SOX5: variants seen among roughly 807,000 people sequenced by gnomAD.
SOX5 encodes transcription factor SOX-5.
SOX5 carries 9 observed loss-of-function variants against 92.0 expected under a neutral mutation model. That is an observed-to-expected ratio of 0.10 (90% CI 0.06 to 0.17). SOX5 has a LOEUF of 0.17. SOX5 is among the 10% of genes least tolerant of loss of function. SOX5 has a pLI of 1.00. For missense variants in SOX5, 642 were observed against 944.5 expected (o/e 0.68, Z 4.20); for synonymous variants, 344 against 336.3 (o/e 1.02, Z -0.25).
At chr12:24,269,836 GCAA>G (rs1165745668) in intron 3 of SOX5, among the ~76,000 whole-genome samples, 1 of 123,836 alleles carries the variant, frequency 8.1e-6, no homozygotes, top group African/African-American at 3.1e-5. Context: ...GTTCCACCAT[GCAA>G]TTTTTTTTTT....
At chr12:24,157,793 G>A (rs1266587120) in intron 4 of SOX5, among the ~76,000 whole-genome samples, 1 of 152,162 alleles carries the variant, frequency 6.6e-6, no homozygotes, top group East Asian at 1.9e-4. Context: ...CATTAAAATC[G>A]TATCTCACCC....
At chr12:24,044,212 A>G (rs1956792740) in intron 4 of SOX5, among the ~76,000 whole-genome samples, 1 of 152,188 alleles carries the variant, frequency 6.6e-6, no homozygotes, top group Admixed American at 6.5e-5. Context: ...TATACTAAGA[A>G]CCTCCTATAT....
At chr12:24,090,084 A>G (rs543734803) in intron 4 of SOX5, among the ~76,000 whole-genome samples, 1 of 152,322 alleles carries the variant, frequency 6.6e-6, no homozygotes, top group Admixed American at 6.5e-5. Flanking sequence ...GTTTAACAGC[A>G]TTGTAACATT....
At position 23,531,358 on chromosome 12, in the gene SOX5, C is replaced by T. The variant is rs1939047170; in HGVS notation, c.*2861G>A. The T allele has an allele frequency of 1.3e-5, 2 of 151,596 alleles. No individual in the cohort carries two copies. The highest frequency in any genetic ancestry group is 4.8e-5 in the African/African-American group (2 of 41,266). 9.4% of individuals were successfully genotyped at this position (151,596 alleles called of 1,614,324 possible). ...CCCCTTCAAATAAAACAAAATATAA[C>T]AAAAAAAAGACCAAACACCAAAGTG... On this transcript the variant is annotated 3_prime_UTR_variant, in exon 15 of 15. Transcript: ENST00000451604.
intron 2 of SOX5, among the ~76,000 whole-genome samples, chr12:23,860,952 TAAAA>T (rs71059935): frequency 2.4e-3 from 111 of 45,940 alleles, no homozygotes; most frequent in African/African-American, 7.8e-3. Flanking sequence ...GTATATTTTG[TAAAA>T]AAAAAAAAAA....
chr12:24,080,196 C>A lies in SOX5; in HGVS notation c.-2+133147G>T, dbSNP rs77152186. 5.4e-4 allele frequency among the ~76,000 whole-genome samples: 82 copies of A among 151,992 alleles called. No homozygotes were observed. In the East Asian group the frequency reaches 0.015, roughly 29 times the overall value. On this transcript the variant is annotated intron_variant, in intron 4 of 4. Coordinates refer to the SOX5 transcript ENST00000446891. Reference sequence around the variant, plus strand: ...ATATGTTTCTGAGAGGACAAAATATCTTGAACTGAAAAGAATGCCTCTGTG... The same window carrying A: ...ATATGTTTCTGAGAGGACAAAATATATTGAACTGAAAAGAATGCCTCTGTG...
chr12:23,839,990 C>CAAAAAAAAAAA (rs142394109), intron 3 of SOX5, among the ~76,000 whole-genome samples: 1 of 121,858 alleles, frequency 8.2e-6, no homozygotes, highest in Non-Finnish European at 1.7e-5. Flanking sequence ...CTCAAGAAGA[C>CAAAAAAAAAAA]AAAAAAAAAA....
intron 4 of SOX5, among the ~76,000 whole-genome samples, chr12:24,074,803 C>T (rs2137499830): frequency 6.6e-6 from 1 of 152,056 alleles, no homozygotes; most frequent in East Asian, 1.9e-4. Context: ...GTTTTGTGAC[C>T]TACTCAGAAA....
chr12:23,786,439 G>A (rs1197629355), intron 3 of SOX5, among the ~76,000 whole-genome samples: 1 of 151,346 alleles, frequency 6.6e-6, no homozygotes, highest in Non-Finnish European at 1.5e-5. Flanking sequence ...AAATAATCAT[G>A]TAAATGGAAG....
intron 4 of SOX5, among the ~76,000 whole-genome samples, chr12:24,025,856 C>T (rs1366509513): frequency 2.0e-5 from 3 of 152,158 alleles, no homozygotes; most frequent in East Asian, 3.9e-4. Context: ...AACTGGATCT[C>T]ACTCAGGTGA....
chr12:23,678,918 G>A (rs1007049335), intron 6 of SOX5, among the ~76,000 whole-genome samples: 1 of 151,852 alleles, frequency 6.6e-6, no homozygotes, highest in Non-Finnish European at 1.5e-5. Flanking sequence ...TTAATCCTAA[G>A]TATCAAAATA....
chr12:24,050,749 T>C (rs1386458427), intron 4 of SOX5, among the ~76,000 whole-genome samples: 1 of 152,186 alleles, frequency 6.6e-6, no homozygotes, highest in Non-Finnish European at 1.5e-5. Context: ...ACAACAGTGC[T>C]ACCTTTTATG....
intron 3 of SOX5, among the ~76,000 whole-genome samples, chr12:24,272,230 A>G (rs1417562520): frequency 6.6e-6 from 1 of 152,196 alleles, no homozygotes; most frequent in Non-Finnish European, 1.5e-5. Context: ...ACTAGAAAAA[A>G]TGATGCTGAT....
At chr12:23,854,488 C>T (rs2096666612) in intron 2 of SOX5, among the ~76,000 whole-genome samples, 1 of 151,496 alleles carries the variant, frequency 6.6e-6, no homozygotes, top group African/African-American at 2.4e-5. Context: ...ATTGTCTAAA[C>T]TCTCTAAGCC....
chr12:24,139,613 C>A (rs759168127), intron 4 of SOX5, among the ~76,000 whole-genome samples: 1 of 152,130 alleles, frequency 6.6e-6, no homozygotes, highest in Non-Finnish European at 1.5e-5. Context: ...TTGCAAAGAA[C>A]GGACCGCTTC....
chr12:23,544,181 A>G (rs770391929), intron 12 of SOX5, among the ~76,000 whole-genome samples: 5 of 152,194 alleles, frequency 3.3e-5, no homozygotes, highest in Non-Finnish European at 1.5e-5. Flanking sequence ...TTCAATCAGT[A>G]AGATTCACAG....
chr12:23,932,462 C>T (rs931557880), intron 1 of SOX5, among the ~76,000 whole-genome samples: 5 of 151,528 alleles, frequency 3.3e-5, no homozygotes, highest in African/African-American at 1.2e-4. Flanking sequence ...AATGTTATTA[C>T]TGTATTAATG....
chr12:23,866,371 G>C (rs545897733), intron 2 of SOX5, among the ~76,000 whole-genome samples: 2 of 152,240 alleles, frequency 1.3e-5, no homozygotes, highest in South Asian at 4.1e-4. Flanking sequence ...AATTTGTTAT[G>C]AACAAGTAGA....
chr12:23,783,463 C>T (rs1360005461), intron 3 of SOX5, among the ~76,000 whole-genome samples: 3 of 152,024 alleles, frequency 2.0e-5, no homozygotes, highest in South Asian at 2.1e-4. Flanking sequence ...GTAGTTTTAG[C>T]GTATTACAAT....
Sources: gnomAD v4.1 joint callset for allele counts (sites outside exome capture counted in the v4.1 genomes callset) on GRCh38, gnomAD v4.1.1 for gene constraint, MANE v1.5 for transcripts, NCBI Gene and HGNC (gene_info 2026-07-23, HGNC 2026-07-21) for gene names.